Variants in ATRNL1 observed in about 807,000 individuals in gnomAD.
ATRNL1 encodes the protein attractin-like protein 1.
Under a neutral mutation model 182.7 loss-of-function variants are expected in ATRNL1, and 95 were observed. That is an observed-to-expected ratio of 0.52 (90% CI 0.44 to 0.62). The LOEUF (loss-of-function observed/expected upper bound fraction) is 0.62. Among genes scored for constraint, ATRNL1 ranks in the 20% least tolerant of loss-of-function variants. The pLI, the probability that ATRNL1 is intolerant of heterozygous loss-of-function variation, is 0.00. For synonymous variants in ATRNL1, 576 were observed against 568.3 expected (o/e 1.01, Z -0.19); for missense variants, 1,471 against 1,679.5 (o/e 0.88, Z 2.17).
At chr10:115,236,958 C>G (rs951424915) in intron 9 of ATRNL1, among the ~76,000 whole-genome samples, 1 of 152,164 alleles carries the variant, frequency 6.6e-6, no homozygotes, top group Non-Finnish European at 1.5e-5. Flanking sequence ...TGTCTCCATA[C>G]TTTTGCCTTT....
At chr10:115,263,504 A>G (rs782312368) in intron 10 of ATRNL1, among the ~76,000 whole-genome samples, 4 of 151,844 alleles carry the variant, frequency 2.6e-5, no homozygotes, top group African/African-American at 9.7e-5. Context: ...TGGACCTCAT[A>G]CAAGTTATTT....
At chr10:115,526,314 A>G (rs1199752545) in intron 25 of ATRNL1, among the ~76,000 whole-genome samples, 9 of 152,146 alleles carry the variant, frequency 5.9e-5, no homozygotes, top group Admixed American at 6.5e-5. Context: ...CATTTCTGCT[A>G]TCAGTCATCA....
intron 19 of ATRNL1, among the ~76,000 whole-genome samples, chr10:115,390,818 C>T (rs1057120723): frequency 2.6e-5 from 4 of 152,110 alleles, no homozygotes; most frequent in Admixed American, 1.3e-4. Flanking sequence ...ATAAGTCACT[C>T]GCTATTTCTT....
chr10:115,365,361 G>C (rs1170065259), intron 19 of ATRNL1, among the ~76,000 whole-genome samples: 1 of 150,574 alleles, frequency 6.6e-6, no homozygotes, highest in South Asian at 2.1e-4. Context: ...GGGATCGGTG[G>C]TGATATCCCC....
chr10:115,612,972 G>A (rs1186427332), intron 26 of ATRNL1, among the ~76,000 whole-genome samples: 4 of 152,280 alleles, frequency 2.6e-5, no homozygotes, highest in Middle Eastern at 3.4e-3. Context: ...TTATTTCTCA[G>A]TGCTGGTATG....
chr10:115,611,211 A>T (rs1555018928), intron 26 of ATRNL1, among the ~76,000 whole-genome samples: 1 of 152,138 alleles, frequency 6.6e-6, no homozygotes, highest in East Asian at 1.9e-4. Flanking sequence ...GACATAAATA[A>T]GGTAAATCAT....
intron 5 of ATRNL1, among the ~76,000 whole-genome samples, chr10:115,143,451 C>G (rs1253295657): frequency 2.0e-5 from 3 of 151,460 alleles, no homozygotes; most frequent in African/African-American, 7.3e-5. Flanking sequence ...TGTCCATACT[C>G]TTAACATGGT....
chr10:115,733,726 T>C (rs1555064200), intron 27 of ATRNL1, among the ~76,000 whole-genome samples: 1 of 152,184 alleles, frequency 6.6e-6, no homozygotes, highest in Non-Finnish European at 1.5e-5. Flanking sequence ...GCTTATTTAA[T>C]TTTCCCCAGG....
At chr10:115,239,750 G>A (rs7908005) in intron 9 of ATRNL1, among the ~76,000 whole-genome samples, 1,789 of 152,232 alleles carry the variant, frequency 0.012, 34 homozygotes, top group African/African-American at 0.04. Context: ...TGGGATGAAG[G>A]CTATTGGGTC....
intron 19 of ATRNL1, among the ~76,000 whole-genome samples, chr10:115,360,645 T>C (rs1856700244): frequency 6.6e-6 from 1 of 151,620 alleles, no homozygotes; most frequent in Non-Finnish European, 1.5e-5. Flanking sequence ...TTTGAGGCCT[T>C]CTTAGTCTTT....
At chr10:115,497,378 A>G (rs1849601768) in intron 24 of ATRNL1, among the ~76,000 whole-genome samples, 1 of 152,216 alleles carries the variant, frequency 6.6e-6, no homozygotes, top group Admixed American at 6.5e-5. Context: ...CCTGTGGCAG[A>G]TATGTGAGTC....
chr10:115,570,086 T>G (rs1313641856), intron 26 of ATRNL1, among the ~76,000 whole-genome samples: 1 of 152,130 alleles, frequency 6.6e-6, no homozygotes, highest in Non-Finnish European at 1.5e-5. Flanking sequence ...CTCAGCCTCC[T>G]GAGTAGCTGG....
At chr10:115,497,237 G>A (rs1849593715) in intron 24 of ATRNL1, among the ~76,000 whole-genome samples, 1 of 152,054 alleles carries the variant, frequency 6.6e-6, no homozygotes, top group South Asian at 2.1e-4. Context: ...TCTTATAACG[G>A]CCATTTTATC....
At chr10:115,846,431 T>C (rs1482282727) in intron 27 of ATRNL1, among the ~76,000 whole-genome samples, 17 of 152,092 alleles carry the variant, frequency 1.1e-4, no homozygotes, top group Admixed American at 1.1e-3. Context: ...ATATTCTAGG[T>C]GAATGACTGC....
intron 12 of ATRNL1, among the ~76,000 whole-genome samples, chr10:115,268,045 G>C (rs1851681555): frequency 2.6e-5 from 4 of 152,124 alleles, no homozygotes; most frequent in Admixed American, 1.3e-4. Context: ...GCAGGCATGA[G>C]CTACCGTGCC....
chr10:115,249,580 A>C (rs1322361750), intron 10 of ATRNL1, among the ~76,000 whole-genome samples: 1 of 152,062 alleles, frequency 6.6e-6, no homozygotes. Flanking sequence ...AGTAACTCTA[A>C]TTTTTTGATC....
chr10:115,905,285 A>G (rs1952467923), intron 28 of ATRNL1, among the ~76,000 whole-genome samples: 1 of 152,088 alleles, frequency 6.6e-6, no homozygotes, highest in Admixed American at 6.6e-5. Flanking sequence ...CAGTGGTGCA[A>G]TCATGGCTCA....
Position 115,538,803 on chromosome 10 carries a change from G to A in ATRNL1, c.3717-10655G>A, listed in dbSNP as rs545986196. ...AGTTAACATAGATTTCTTTCTAACA[G>A]TTTTATACAGTCAATGCACTACATA... On this transcript the variant is annotated intron_variant, in intron 25 of 28. Transcript: ENST00000355044. 2.0e-5 allele frequency among the ~76,000 whole-genome samples: 3 copies of A among 152,196 alleles called. No homozygotes were observed. In the South Asian group the frequency reaches 6.2e-4, roughly 32 times the overall value.
intron 27 of ATRNL1, among the ~76,000 whole-genome samples, chr10:115,846,799 T>TTCA (rs1450613797): frequency 2.0e-5 from 3 of 152,098 alleles, no homozygotes; most frequent in Non-Finnish European, 4.4e-5. Flanking sequence ...CATTGTGTGA[T>TTCA]TAAGAATGTG....
Sources: gnomAD v4.1 joint callset for allele counts (sites outside exome capture counted in the v4.1 genomes callset) on GRCh38, gnomAD v4.1.1 for gene constraint, MANE v1.5 for transcripts, NCBI Gene and HGNC (gene_info 2026-07-23, HGNC 2026-07-21) for gene names.